Variants in SPIDR observed in about 807,000 individuals in gnomAD.
The protein encoded by SPIDR is DNA repair-scaffolding protein.
SPIDR carries 93 observed loss-of-function variants against 104.6 expected under a neutral mutation model. The ratio of observed to expected loss-of-function variants is 0.89; its 90% CI spans 0.75 to 1.06. SPIDR has a LOEUF of 1.06. SPIDR is among the 50% of genes least tolerant of loss of function. The probability of loss-of-function intolerance (pLI) is 0.00; values close to 1 mark genes in which losing one functional copy is unlikely to be tolerated. For missense variants in SPIDR, 1,154 were observed against 1,111.2 expected, an observed-to-expected ratio of 1.04 and a Z score of -0.55; for synonymous variants, 431 against 416.9, an observed-to-expected ratio of 1.03 and a Z score of -0.41.
Position 47,563,069 on chromosome 8 carries a change from A to G in SPIDR, c.1098-32742A>G, listed in dbSNP as rs970034553. ...TTTTTTTTTTGTCAATGAAGGAAAG[A>G]AATAAGGTAGTCTTCATCAAGGACT... On this transcript the variant is annotated intron_variant, in intron 8 of 19. Transcript: ENST00000297423. Among the ~76,000 whole-genome samples, 121 of 150,842 alleles carry G rather than the reference A, an allele frequency of 8.0e-4. 6 individuals are homozygous for G. Among genetic ancestry groups the G allele is most frequent in the Non-Finnish European group, 1.3e-4 (9 of 67,830 alleles).
At chr8:47,661,372 C>T (rs1346278416) in intron 10 of SPIDR, among the ~76,000 whole-genome samples, 1 of 152,238 alleles carries the variant, frequency 6.6e-6, no homozygotes, top group East Asian at 1.9e-4. Context: ...CTGCATAGGG[C>T]AGAGAAGTCG....
chr8:47,321,718 A>T (rs2046638329), intron 5 of SPIDR, among the ~76,000 whole-genome samples: 1 of 152,204 alleles, frequency 6.6e-6, no homozygotes, highest in African/African-American at 2.4e-5. Flanking sequence ...CAGTAACCAA[A>T]ACTGCATGGT....
At chr8:47,345,144 G>A (rs1554616930) in intron 5 of SPIDR, among the ~76,000 whole-genome samples, 1 of 152,164 alleles carries the variant, frequency 6.6e-6, no homozygotes, top group Admixed American at 6.5e-5. Context: ...TTTATATAAG[G>A]TGTAAGGAAG....
Position 47,599,030 on chromosome 8 carries a change from C to A in SPIDR, c.1378C>A (p.Pro460Thr), listed in dbSNP as rs762278735. Residue 460 changes from proline (P) to threonine (T), a missense_variant, in exon 10 of 20, where the codon CCC (proline) becomes ACC (threonine). Physicochemically the swap from Pro to Thr is conservative, Grantham distance 38 (BLOSUM62 -1). Coordinates refer to ENST00000297423, the MANE Select transcript of SPIDR (RefSeq NM_001080394.4). ...AAAACAGCGCATCCCAACCAGCACT[C>A]CCCTGAGGGATTCTCTCCTGGATGT... ...EAKQRIPTSTPLRDSLLDVVE... is the reference protein window; with the variant it reads ...EAKQRIPTSTTLRDSLLDVVE... 6 of 1,613,182 alleles carry A rather than the reference C, an allele frequency of 3.7e-6. No homozygotes were observed. Among genetic ancestry groups the A allele is most frequent in the Admixed American group, 1.7e-5 (1 of 59,866 alleles).
At chr8:47,446,724 T>C (rs1220895753) in intron 8 of SPIDR, among the ~76,000 whole-genome samples, 2 of 152,018 alleles carry the variant, frequency 1.3e-5, no homozygotes, top group African/African-American at 2.4e-5. Context: ...GTAGCTGGGA[T>C]TACAGGTGTG....
At chr8:47,580,662 C>G (rs573514555) in intron 8 of SPIDR, among the ~76,000 whole-genome samples, 2 of 149,612 alleles carry the variant, frequency 1.3e-5, no homozygotes, top group African/African-American at 5.1e-5. Flanking sequence ...TATTCTAAGC[C>G]TTTATTTTAA....
intron 8 of SPIDR, among the ~76,000 whole-genome samples, chr8:47,541,295 T>C (rs1296847315): frequency 1.3e-5 from 2 of 152,254 alleles, no homozygotes; most frequent in African/African-American, 4.8e-5. Flanking sequence ...GTGAGGAAAC[T>C]TGCTCATGTC....
chr8:47,359,163 G>A (rs1172043910), intron 5 of SPIDR, among the ~76,000 whole-genome samples: 2 of 150,600 alleles, frequency 1.3e-5, no homozygotes, highest in Non-Finnish European at 2.9e-5. Context: ...GGAGAATGGC[G>A]TGAACCCGGG....
intron 8 of SPIDR, among the ~76,000 whole-genome samples, chr8:47,475,199 G>A (rs962384958): frequency 6.6e-6 from 1 of 152,176 alleles, no homozygotes; most frequent in African/African-American, 2.4e-5. Context: ...AGCTGAGTTC[G>A]TATACCTGCT....
Position 47,599,009 on chromosome 8 carries a change from C to T in SPIDR, c.1357C>T (p.Gln453Ter). The change falls in exon 10 of 20, where the codon CAG becomes TAG. Residue 453 changes from glutamine to a stop codon, truncating the protein, a stop_gained. Transcript: ENST00000297423. LOFTEE classifies it high-confidence loss of function. ...AWTHGHKEAKQRIPTSTPLRD... is the reference protein window; with the variant it reads ...AWTHGHKEAK Reference sequence around the variant, plus strand: ...GACCCATGGGCACAAAGAAGCAAAACAGCGCATCCCAACCAGCACTCCCCT... The same window carrying T: ...GACCCATGGGCACAAAGAAGCAAAATAGCGCATCCCAACCAGCACTCCCCT... 2 of 1,613,604 alleles carry T rather than the reference C, an allele frequency of 1.2e-6. No homozygotes were observed. Among genetic ancestry groups the T allele is most frequent in the Non-Finnish European group, 1.7e-6 (2 of 1,179,752 alleles).
chr8:47,664,077 C>G (rs2074526073), intron 10 of SPIDR, among the ~76,000 whole-genome samples: 1 of 152,196 alleles, frequency 6.6e-6, no homozygotes, highest in Admixed American at 6.5e-5. Flanking sequence ...AACTCACTTT[C>G]TAGAGACTAA....
intron 5 of SPIDR, among the ~76,000 whole-genome samples, chr8:47,343,875 GA>G (rs1240815770): frequency 2.6e-5 from 4 of 152,020 alleles, no homozygotes; most frequent in African/African-American, 9.7e-5. Flanking sequence ...CTTCGGGGGG[GA>G]AAAGAAAATG....
intron 8 of SPIDR, among the ~76,000 whole-genome samples, chr8:47,450,986 T>C (rs546617285): frequency 6.6e-6 from 1 of 152,310 alleles, no homozygotes; most frequent in East Asian, 1.9e-4. Flanking sequence ...ACTACTCAAA[T>C]GTCCAATTCT....
intron 7 of SPIDR, among the ~76,000 whole-genome samples, chr8:47,439,263 T>G (rs1477518243): frequency 2.6e-5 from 4 of 152,216 alleles, no homozygotes; most frequent in Admixed American, 1.3e-4. Context: ...TTAGAGACAG[T>G]GGCTTTCATG....
At chr8:47,615,469 A>C in intron 10 of SPIDR, among the ~76,000 whole-genome samples, 1 of 118,932 alleles carries the variant, frequency 8.4e-6, no homozygotes, top group East Asian at 2.7e-4. Context: ...CTGCGAAAAT[A>C]GCCTTTTTTT....
In SPIDR at chr8:47,685,509, A is replaced by ATTT. The variant is rs79918303; in HGVS notation, c.1685+11569_1685+11571dup. 1.0e-3 allele frequency among the ~76,000 whole-genome samples: 112 copies of ATTT among 106,936 alleles called. 2 individuals carry two copies. The highest frequency in any genetic ancestry group is 1.6e-3 in the Non-Finnish European group (71 of 43,766). The allele number at this position is 106,936 out of a possible 152,430, so 70.2% of individuals were successfully genotyped here. A position where few individuals can be genotyped will look rare whatever the true frequency, so the allele number is the denominator to read the frequency against. On this transcript the variant is annotated intron_variant, in intron 11 of 19. Transcript: ENST00000297423. ...TATTTATTTATTTATTTATTTATTTATTTATTTATTTTTTTGAGACAGTCT... is the reference window on the plus strand; with the variant it reads ...TATTTATTTATTTATTTATTTATTTATTTTTTATTTATTTTTTTGAGACAGTCT...
intron 11 of SPIDR, among the ~76,000 whole-genome samples, chr8:47,688,016 AGTG>A (rs1279262051): frequency 1.8e-4 from 26 of 145,676 alleles, no homozygotes; most frequent in African/African-American, 6.3e-4. Flanking sequence ...AAAAAAAAAA[AGTG>A]TGTGTGTGTG....
At chr8:47,388,806 G>A (rs1312831131) in intron 5 of SPIDR, among the ~76,000 whole-genome samples, 1 of 152,214 alleles carries the variant, frequency 6.6e-6, no homozygotes, top group Admixed American at 6.5e-5. Context: ...TGCAACAGAT[G>A]TGTACTACAG....
At position 47,730,612 on chromosome 8, in the gene SPIDR, A is replaced by C. The variant is rs533720493; in HGVS notation, c.2604+1147A>C. Among the ~76,000 whole-genome samples the C allele has an allele frequency of 3.3e-5, 5 of 152,214 alleles. No homozygotes were observed. The East Asian group carries it at 9.7e-4, about 29-fold the overall frequency. ...AGAATTTTTTTTTAGGCAGAGTCTT[A>C]CTCTGTCATCCAGGCTGGAGTGCAG... On this transcript the variant is annotated intron_variant, in intron 19 of 19. Coordinates refer to ENST00000297423, the MANE Select transcript of SPIDR (RefSeq NM_001080394.4).
Sources: allele counts gnomAD v4.1 joint callset (sites outside exome capture counted in the v4.1 genomes callset), GRCh38; gene constraint gnomAD v4.1.1; transcripts MANE v1.5; gene names NCBI Gene and HGNC (gene_info 2026-07-23, HGNC 2026-07-21).